The following PLEKHF1 variants were observed in gnomAD, a reference collection of about 807,000 sequenced individuals.
PLEKHF1 encodes the protein pleckstrin homology domain-containing family F member 1.
In PLEKHF1, 1 loss-of-function variant was observed where a neutral mutation model predicts 4.1. The ratio of observed to expected loss-of-function variants is 0.24; its 90% CI spans 0.09 to 1.15. The LOEUF (loss-of-function observed/expected upper bound fraction) is 1.15, where lower values mean the gene tolerates loss of function less well. Among genes scored for constraint, PLEKHF1 ranks in the 50% most tolerant of loss-of-function variants. The pLI, the probability that PLEKHF1 is intolerant of heterozygous loss-of-function variation, is 0.52. For missense variants in PLEKHF1, 429 were observed against 400.6 expected (o/e 1.07, Z -0.60); for synonymous variants, 182 against 178.5 (o/e 1.02, Z -0.16).
chr19:29,674,827 G>A lies in PLEKHF1; in HGVS notation c.*148G>A, dbSNP rs1329655166. ...GAGTGGCTCTTTCTGGACTCCCAGT[G>A]CCTTTTTGCTGGACACTGTGTCCTT... On this transcript the variant is annotated 3_prime_UTR_variant, in exon 2 of 2. Transcript: ENST00000436066. The A allele has an allele frequency of 8.1e-7, 1 of 1,233,712 alleles. No homozygotes were observed. The highest frequency in any genetic ancestry group is 1.5e-5 in the African/African-American group (1 of 65,330). The allele number at this position is 1,233,712 out of a possible 1,614,324, so 76.4% of individuals were successfully genotyped here.
chr19:29,673,707 T>A, intron 1 of PLEKHF1, 117 bp from the exon 2 acceptor site: 1 of 1,373,428 alleles, frequency 7.3e-7, no homozygotes, highest in Non-Finnish European at 9.9e-7. Flanking sequence ...TGCGGGTTAC[T>A]GTGCGTAGTC....
intron 1 of PLEKHF1, among the ~76,000 whole-genome samples, chr19:29,673,215 G>A (rs1330678427): frequency 6.6e-6 from 1 of 152,164 alleles, no homozygotes; most frequent in African/African-American, 2.4e-5. Context: ...GCCTGTGACA[G>A]CTTGGTTTGG....
rs748727313 is a variant in PLEKHF1 at position 29,673,906 on chromosome 19, G to A, written c.67G>A (p.Gly23Arg). 24 of 1,612,278 alleles carry A rather than the reference G, an allele frequency of 1.5e-5. No individual in the cohort carries two copies. The highest frequency in any genetic ancestry group is 1.3e-5 in the Non-Finnish European group (15 of 1,179,142). ...CATCGCGGCAGTGGAGAGCTGCTTCGGGGCCTCGGGGCAGCCGCTGGCGCT... is the reference window on the plus strand; with the variant it reads ...CATCGCGGCAGTGGAGAGCTGCTTCAGGGCCTCGGGGCAGCCGCTGGCGCT... ...QRIAAVESCF[G>R]ASGQPLALPG... The change falls in exon 2 of 2, where the codon GGG becomes AGG. Residue 23 changes from glycine to arginine, a missense_variant. By Grantham distance (125) the Gly-to-Arg change is moderately radical. Coordinates refer to ENST00000436066, the MANE Select transcript of PLEKHF1 (RefSeq NM_024310.5).
At chr19:29,665,674 T>C (rs1449043317) in intron 1 of PLEKHF1, 169 bp downstream of exon 1, 3 of 1,118,292 alleles carry the variant, frequency 2.7e-6, no homozygotes, top group African/African-American at 1.7e-5. Flanking sequence ...AGAAGAGGCC[T>C]GGGAAGGGCG....
intron 1 of PLEKHF1, among the ~76,000 whole-genome samples, chr19:29,668,652 C>T (rs905025827): frequency 3.3e-5 from 5 of 150,570 alleles, no homozygotes; most frequent in African/African-American, 9.8e-5. Flanking sequence ...CCCTGGAGTT[C>T]GAGGCTGCAG....
rs1971674827 is a variant in PLEKHF1, at chr19:29,674,361, C to T, written c.522C>T (p.His174=). The change falls in exon 2 of 2, where the codon CAC becomes CAT. Residue 174 remains histidine (H), a synonymous_variant. Coordinates refer to ENST00000436066, the MANE Select transcript of PLEKHF1 (RefSeq NM_024310.5). ...TRFSALTRRH[H]CRKCGFVVCA... is the part of the protein sequence containing the mutation. The stretch of plus-strand genomic sequence containing the variant: ...TCTCTGCCCTCACGAGGCGCCACCA[C>T]TGCCGCAAGTGCGGCTTCGTGGTCT... The T allele has an allele frequency of 1.3e-6, 2 of 1,543,776 alleles. No individual in the cohort carries two copies. The highest frequency in any genetic ancestry group is 1.2e-5 in the South Asian group (1 of 85,532).
chr19:29,674,357 ACCACT>A lies in PLEKHF1; in HGVS notation c.519_523del (p.His173GlnfsTer11). On this transcript the variant is annotated frameshift_variant, in exon 2 of 2. Coordinates refer to ENST00000436066, the MANE Select transcript of PLEKHF1 (RefSeq NM_024310.5). LOFTEE classifies it low-confidence loss of function (END_TRUNC). Reference sequence around the variant, plus strand: ...CGCTTCTCTGCCCTCACGAGGCGCCACCACTGCCGCAAGTGCGGCTTCGTGGTCTG... The same window carrying A: ...CGCTTCTCTGCCCTCACGAGGCGCCAGCCGCAAGTGCGGCTTCGTGGTCTG... The A allele has an allele frequency of 6.5e-7, 1 of 1,545,494 alleles. No homozygotes were observed. The highest frequency in any genetic ancestry group is 8.7e-7 in the Non-Finnish European group (1 of 1,151,170).
rs1971688791 is a variant in PLEKHF1, at chr19:29,674,912, TG to T, written c.*235del. 1.6e-6 allele frequency: 1 copy of T among 616,736 alleles called. No homozygotes were observed. Among genetic ancestry groups the T allele is most frequent in the Admixed American group, 3.3e-5 (1 of 29,892 alleles). 38.2% of individuals were successfully genotyped at this position (616,736 alleles called of 1,614,324 possible). A position where few individuals can be genotyped will look rare whatever the true frequency, so the allele number is the denominator to read the frequency against. The stretch of plus-strand genomic sequence containing the variant: ...GAAGCCCCAGAACACCCACAGGTCT[TG>T]GTAACAAACGCCACCTTACACTCTG... On this transcript the variant is annotated 3_prime_UTR_variant, in exon 2 of 2. Coordinates refer to ENST00000436066, the MANE Select transcript of PLEKHF1 (RefSeq NM_024310.5).
Position 29,672,193 on chromosome 19 carries a change from A to T in PLEKHF1, c.-16-1631A>T, listed in dbSNP as rs1214803168. Among the ~76,000 whole-genome samples the T allele has an allele frequency of 2.0e-5, 3 of 152,330 alleles. No homozygotes were observed. In the East Asian group the frequency reaches 5.8e-4, roughly 29 times the overall value. ...ATTGAATCCCAGAGAAGTGGCCAGC[A>T]GACCTTTTCTACAAAGGGCCAGGTG... On this transcript the variant is annotated intron_variant, in intron 1 of 1. Transcript: ENST00000436066.
intron 1 of PLEKHF1, among the ~76,000 whole-genome samples, chr19:29,667,577 G>A (rs1224017808): frequency 6.6e-6 from 1 of 152,280 alleles, no homozygotes; most frequent in East Asian, 1.9e-4. Context: ...GGCCCTGCAC[G>A]TCCCTGAGCA....
chr19:29,669,169 A>G (rs1232993007), intron 1 of PLEKHF1, among the ~76,000 whole-genome samples: 3 of 152,182 alleles, frequency 2.0e-5, no homozygotes, highest in Non-Finnish European at 4.4e-5. Context: ...AGACAGCGTC[A>G]TGGACTCTGC....
rs746188493 is a variant in PLEKHF1, at chr19:29,674,178, C to T, written c.339C>T (p.Ala113=). 3.7e-6 allele frequency: 6 copies of T among 1,613,356 alleles called. No homozygotes were observed. Among genetic ancestry groups the T allele is most frequent in the South Asian group, 1.1e-5 (1 of 91,090 alleles). Residue 113 remains alanine, a synonymous_variant, in exon 2 of 2, where the codon GCC becomes GCT. Coordinates refer to ENST00000436066, the MANE Select transcript of PLEKHF1 (RefSeq NM_024310.5). ...KTAKKSFVVS[A]ASATERQEWI... is the part of the protein sequence containing the mutation. ...CCAAGAAGTCCTTTGTGGTGTCGGCCGCCTCCGCTACGGAGCGCCAGGAAT... is the reference window on the plus strand; with the variant it reads ...CCAAGAAGTCCTTTGTGGTGTCGGCTGCCTCCGCTACGGAGCGCCAGGAAT...
chr19:29,670,055 C>G (rs983340044), intron 1 of PLEKHF1, among the ~76,000 whole-genome samples: 2 of 152,166 alleles, frequency 1.3e-5, no homozygotes, highest in African/African-American at 4.8e-5. Flanking sequence ...CCTCAGCCTC[C>G]TCAGTAGCAG....
At chr19:29,670,722 G>A (rs533549999) in intron 1 of PLEKHF1, among the ~76,000 whole-genome samples, 1 of 151,922 alleles carries the variant, frequency 6.6e-6, no homozygotes, top group East Asian at 1.9e-4. Context: ...CTGTCGCCCA[G>A]GCTGGAGCAC....
At chr19:29,670,894 T>C (rs1330363333) in intron 1 of PLEKHF1, among the ~76,000 whole-genome samples, 1 of 152,094 alleles carries the variant, frequency 6.6e-6, no homozygotes, top group African/African-American at 2.4e-5. Flanking sequence ...CAGGATGGTC[T>C]AGATCTCCTG....
Position 29,674,778 on chromosome 19 carries a change from C to G in PLEKHF1, c.*99C>G. The G allele has an allele frequency of 2.7e-6, 4 of 1,464,012 alleles. No individual in the cohort carries two copies. The highest frequency in any genetic ancestry group is 3.6e-6 in the Non-Finnish European group (4 of 1,105,794). The allele number at this position is 1,464,012 out of a possible 1,614,324, so 90.7% of individuals were successfully genotyped here. A position where few individuals can be genotyped will look rare whatever the true frequency, so the allele number is the denominator to read the frequency against. Reference sequence around the variant, plus strand: ...TGCCCAGGGCTCCGGGACCCCATCCCATGGTGGCAGGTGCAGCGGTGGGGA... The same window carrying G: ...TGCCCAGGGCTCCGGGACCCCATCCGATGGTGGCAGGTGCAGCGGTGGGGA... On this transcript the variant is annotated 3_prime_UTR_variant, in exon 2 of 2. Coordinates refer to ENST00000436066, the MANE Select transcript of PLEKHF1 (RefSeq NM_024310.5).
Position 29,671,376 on chromosome 19 carries a change from T to C in PLEKHF1, c.-16-2448T>C, listed in dbSNP as rs529511024. On this transcript the variant is annotated intron_variant, in intron 1 of 1. Transcript: ENST00000436066. This position sits in a 1 kb window ranked among gnomAD's most constrained non-coding sequence, Gnocchi z 4.0. ...CATACAACATTCTACAGGCTGTGTT[T>C]TTCCACTCCACGTTTGTTGTTTGCC... is the stretch of plus-strand genomic sequence containing the variant. 1.3e-5 allele frequency among the ~76,000 whole-genome samples: 2 copies of C among 152,342 alleles called. No homozygotes were observed. The highest frequency in any genetic ancestry group is 1.9e-4 in the East Asian group (1 of 5,190).
At chr19:29,672,167 G>A (rs944208758) in intron 1 of PLEKHF1, among the ~76,000 whole-genome samples, 4 of 152,138 alleles carry the variant, frequency 2.6e-5, no homozygotes, top group Admixed American at 6.6e-5. Flanking sequence ...AAAGAAAAAC[G>A]ATTGAATCCC....
At position 29,674,564 on chromosome 19, in the gene PLEKHF1, C is replaced by T; in HGVS notation, c.725C>T (p.Ser242Phe). The T allele has an allele frequency of 6.3e-7, 1 of 1,598,682 alleles. No individual in the cohort carries two copies. Among genetic ancestry groups the T allele is most frequent in the Non-Finnish European group, 8.5e-7 (1 of 1,173,666 alleles). Residue 242 changes from serine to phenylalanine, a missense_variant, in exon 2 of 2, where the codon TCC (serine) becomes TTC (phenylalanine). Ser to Phe is a radical substitution (Grantham distance 155). Coordinates refer to ENST00000436066, the MANE Select transcript of PLEKHF1 (RefSeq NM_024310.5). Reference sequence around the variant, plus strand: ...CTGGCCCGGCCCATCTGCGGAGCGTCCAGTGGAGATGACGATGACTCCGAC... The same window carrying T: ...CTGGCCCGGCCCATCTGCGGAGCGTTCAGTGGAGATGACGATGACTCCGAC... ...AHLARPICGA[S>F]SGDDDDSDED...
Sources: gnomAD v4.1 joint callset for allele counts (sites outside exome capture counted in the v4.1 genomes callset) on GRCh38, gnomAD v4.1.1 for gene constraint, Gnocchi (gnomAD v3.1) non-coding constraint, MANE v1.5 for transcripts, NCBI Gene and HGNC (gene_info 2026-07-23, HGNC 2026-07-21) for gene names.